MACO1: variants seen among roughly 807,000 people sequenced by gnomAD.
MACO1 encodes macoilin.
In MACO1, 14 loss-of-function variants were observed where a neutral mutation model predicts 78.7. That is an observed-to-expected ratio of 0.18 (90% confidence interval 0.12 to 0.28). The LOEUF is 0.28. Among genes scored for constraint, MACO1 ranks in the 10% least tolerant of loss-of-function variants. The pLI, the probability that MACO1 is intolerant of heterozygous loss-of-function variation, is 1.00. For missense variants in MACO1, 501 were observed against 799.0 expected (o/e 0.63, Z 4.50); for synonymous variants, 288 against 291.6 (o/e 0.99, Z 0.12).
intron 1 of MACO1, among the ~76,000 whole-genome samples, chr1:25,445,559 TTTTTCTTTTTTTCTC>T (rs2043008570): frequency 6.6e-6 from 1 of 152,062 alleles, no homozygotes; most frequent in Non-Finnish European, 1.5e-5. Context: ...TTTTTTTTCT[TTTTTCTTTTTTTCTC>T]TTTTCTTTTT....
chr1:25,482,872 A>G (rs572793248), intron 6 of MACO1, among the ~76,000 whole-genome samples: 65 of 152,328 alleles, frequency 4.3e-4, no homozygotes, highest in African/African-American at 1.5e-3. Flanking sequence ...TGCCTGGCCC[A>G]TAAGTTCTCA....
chr1:25,477,139 G>A (rs1322891817), intron 6 of MACO1, among the ~76,000 whole-genome samples: 1 of 152,224 alleles, frequency 6.6e-6, no homozygotes, highest in East Asian at 1.9e-4. Flanking sequence ...ATGGTTTGAT[G>A]CCAAATGTGA....
chr1:25,456,826 A>G lies in MACO1; in HGVS notation c.647A>G (p.Glu216Gly), dbSNP rs1433323694. ...QMLQKQEKEA[E>G]EAAKGLPDMD... is the part of the protein sequence containing the mutation. ...CTACAGAAGCAAGAAAAAGAGGCCG[A>G]GGAAGGTAGGTCTTTACCCTAAAGC... is the stretch of plus-strand genomic sequence containing the variant. The change falls in exon 5 of 11, where the codon GAG (glutamate) becomes GGG (glycine). Residue 216 changes from glutamate (E) to glycine (G), a missense_variant. Glu to Gly is a moderately conservative substitution (Grantham distance 98). This residue lies in a region of MACO1 where 171 missense variants were observed against 292.1 expected (regional missense o/e 0.59). Transcript: ENST00000374343. 1 of 1,608,866 alleles carries G rather than the reference A, an allele frequency of 6.2e-7. No individual in the cohort carries two copies. Among genetic ancestry groups the G allele is most frequent in the Admixed American group, 1.7e-5 (1 of 57,882 alleles).
intron 1 of MACO1, among the ~76,000 whole-genome samples, chr1:25,441,829 G>C (rs116817762): frequency 8.5e-4 from 130 of 152,266 alleles, no homozygotes; most frequent in Admixed American, 1.8e-3. Flanking sequence ...TCTTGGCTTT[G>C]ACTCAGAAAG....
At chr1:25,493,992 AAGTACTGGG>A (rs2043512919) in intron 10 of MACO1, among the ~76,000 whole-genome samples, 1 of 152,070 alleles carries the variant, frequency 6.6e-6, no homozygotes, top group South Asian at 2.1e-4. Flanking sequence ...CGGCCTCCCA[AAGTACTGGG>A]ATTACAGGCG....
intron 6 of MACO1, among the ~76,000 whole-genome samples, chr1:25,477,648 G>C (rs1039622377): frequency 6.6e-6 from 1 of 152,140 alleles, no homozygotes; most frequent in Admixed American, 6.5e-5. Context: ...TGAAGTCTTG[G>C]CTGAGAAAAA....
chr1:25,463,102 T>G (rs573354700), intron 6 of MACO1, among the ~76,000 whole-genome samples: 1 of 152,318 alleles, frequency 6.6e-6, no homozygotes, highest in African/African-American at 2.4e-5. Flanking sequence ...AGTCACTTGT[T>G]TTGACGATCT....
Position 25,498,776 on chromosome 1 carries a change from A to AG in MACO1, c.*311dup. ...GTATTCTTACATAGTTTCCTCTTGAAGAAAAAAAAAGCAGAGTTTTTGTTT... is the reference window on the plus strand; with the variant it reads ...GTATTCTTACATAGTTTCCTCTTGAAGGAAAAAAAAAGCAGAGTTTTTGTTT... On this transcript the variant is annotated 3_prime_UTR_variant, in exon 11 of 11. Transcript: ENST00000374343. 1 of 267,654 alleles carries AG rather than the reference A, an allele frequency of 3.7e-6. No homozygotes were observed. The highest frequency in any genetic ancestry group is 6.9e-6 in the Non-Finnish European group (1 of 144,466). The allele number at this position is 267,654 out of a possible 1,614,324, so 16.6% of individuals were successfully genotyped here.
intron 9 of MACO1, 117 bp downstream of exon 9, chr1:25,489,410 C>T: frequency 1.7e-6 from 2 of 1,181,234 alleles, no homozygotes; most frequent in Non-Finnish European, 1.1e-6. Context: ...CTCATTGCAT[C>T]TGAAAAATCT....
At position 25,485,552 on chromosome 1, in the gene MACO1, C is replaced by T; in HGVS notation, c.1314-61C>T. On this transcript the variant is annotated intron_variant, in intron 7 of 10. Coordinates refer to ENST00000374343, the MANE Select transcript of MACO1 (RefSeq NM_018202.6). This position sits in a 1 kb window ranked among gnomAD's most constrained non-coding sequence, Gnocchi z 4.3. ...CTTAAGGTGATAAAGAGATGTTTCT[C>T]AAGGGTTTATAGTGGGCATTTGTAA... 18 of 1,527,794 alleles carry T rather than the reference C, an allele frequency of 1.2e-5. No homozygotes were observed. Among genetic ancestry groups the T allele is most frequent in the Non-Finnish European group, 1.6e-5 (18 of 1,133,630 alleles). 94.6% of individuals were successfully genotyped at this position (1,527,794 alleles called of 1,614,324 possible).
rs1485704613 is a variant in MACO1, at chr1:25,442,640, C to T, written c.81-4122C>T. Among the ~76,000 whole-genome samples the T allele has an allele frequency of 3.9e-5, 6 of 152,182 alleles. No individual in the cohort carries two copies. The East Asian group carries it at 9.6e-4, about 24-fold the overall frequency. ...TTCTCATTAATCATAGATGATTAAT[C>T]TATGGATGGAGAGTACTGCTAAATG... is the stretch of plus-strand genomic sequence containing the variant. On this transcript the variant is annotated intron_variant, in intron 1 of 10. Coordinates refer to ENST00000374343, the MANE Select transcript of MACO1 (RefSeq NM_018202.6).
intron 6 of MACO1, among the ~76,000 whole-genome samples, chr1:25,470,840 C>T (rs1329680489): frequency 6.6e-6 from 1 of 151,960 alleles, no homozygotes; most frequent in Non-Finnish European, 1.5e-5. Context: ...CCAGCCTGGC[C>T]AACATGGCGA....
intron 10 of MACO1, among the ~76,000 whole-genome samples, chr1:25,497,530 C>T (rs1260804109): frequency 6.6e-6 from 1 of 152,038 alleles, no homozygotes; most frequent in East Asian, 1.9e-4. Context: ...GGAAGTGGCC[C>T]GAGGTAGGCA....
intron 4 of MACO1, among the ~76,000 whole-genome samples, chr1:25,455,750 A>G (rs893495988): frequency 2.6e-5 from 4 of 152,238 alleles, no homozygotes; most frequent in African/African-American, 9.6e-5. Context: ...TCTTGAATTT[A>G]TGTATGACAG....
intron 6 of MACO1, among the ~76,000 whole-genome samples, chr1:25,468,362 G>A (rs889542426): frequency 6.6e-6 from 1 of 152,074 alleles, no homozygotes; most frequent in Non-Finnish European, 1.5e-5. Context: ...GCAGATTTAA[G>A]AGCCCTGAAC....
At chr1:25,454,808 A>G (rs139985323) in intron 4 of MACO1, among the ~76,000 whole-genome samples, 4 of 152,176 alleles carry the variant, frequency 2.6e-5, no homozygotes, top group African/African-American at 9.6e-5. Context: ...TTTGTCTATA[A>G]TTCATTTCAC....
intron 8 of MACO1, among the ~76,000 whole-genome samples, chr1:25,487,309 G>A (rs1317159035): frequency 2.0e-5 from 3 of 152,002 alleles, no homozygotes; most frequent in Admixed American, 6.5e-5. Context: ...TCCTGCCACC[G>A]TGCCCAGCAA....
chr1:25,454,486 ATAT>A (rs1447956198), intron 4 of MACO1, 104 bp downstream of exon 4: 155 of 143,374 alleles, frequency 1.1e-3, no homozygotes, highest in Middle Eastern at 6.7e-3. Flanking sequence ...ATATATATAT[ATAT>A]TTTTTTTTTT....
intron 1 of MACO1, among the ~76,000 whole-genome samples, chr1:25,439,666 TTC>T (rs1029368259): frequency 5.3e-5 from 8 of 152,108 alleles, no homozygotes; most frequent in South Asian, 2.1e-4. Flanking sequence ...ACACACAAAT[TTC>T]TGTTTTTTTT....
Sources: gnomAD v4.1 joint callset for allele counts (sites outside exome capture counted in the v4.1 genomes callset) on GRCh38, gnomAD v4.1.1 for gene constraint, gnomAD v4.1.1 regional missense constraint, Gnocchi (gnomAD v3.1) non-coding constraint, MANE v1.5 for transcripts, NCBI Gene and HGNC (gene_info 2026-07-23, HGNC 2026-07-21) for gene names.